RSU1: variants seen among roughly 807,000 people sequenced by gnomAD.
The protein encoded by RSU1 is rsu-1.
RSU1 carries 26 observed loss-of-function variants against 31.1 expected under a neutral mutation model. That is an observed-to-expected ratio of 0.84 (90% confidence interval 0.61 to 1.16). RSU1 has a LOEUF of 1.16. Ranked by LOEUF, RSU1 falls within the 50% of genes most tolerant of loss-of-function variation. The pLI is 0.00. For synonymous variants in RSU1, 164 were observed against 136.3 expected (o/e 1.20, Z -1.41); for missense variants, 320 against 339.1 (o/e 0.94, Z 0.44).
intron 4 of RSU1, among the ~76,000 whole-genome samples, chr10:16,757,711 A>G (rs1245747426): frequency 3.3e-5 from 5 of 152,156 alleles, no homozygotes; most frequent in Non-Finnish European, 7.3e-5. Context: ...AACACCCCAT[A>G]CCGCACGGAG....
intron 7 of RSU1, among the ~76,000 whole-genome samples, chr10:16,737,748 T>A (rs1836658061): frequency 7.8e-6 from 1 of 128,954 alleles, no homozygotes. Context: ...TTAAGAAAAC[T>A]AACTTAAGGA....
intron 8 of RSU1, among the ~76,000 whole-genome samples, chr10:16,640,912 T>G (rs963877406): frequency 6.6e-6 from 1 of 152,208 alleles, no homozygotes; most frequent in Non-Finnish European, 1.5e-5. Flanking sequence ...TCTGAGGCAA[T>G]GCTGCGACTG....
At chr10:16,692,548 T>C (rs1835581090) in intron 8 of RSU1, among the ~76,000 whole-genome samples, 2 of 152,118 alleles carry the variant, frequency 1.3e-5, no homozygotes, top group Non-Finnish European at 2.9e-5. Flanking sequence ...CAAGATACCA[T>C]ACAAACCAAG....
intron 8 of RSU1, among the ~76,000 whole-genome samples, chr10:16,664,128 T>C (rs1834941692): frequency 6.6e-6 from 1 of 152,218 alleles, no homozygotes; most frequent in Admixed American, 6.5e-5. Context: ...CACAGAAGCA[T>C]CTAATGCATC....
At chr10:16,738,788 C>T (rs1836689926) in intron 7 of RSU1, among the ~76,000 whole-genome samples, 1 of 152,122 alleles carries the variant, frequency 6.6e-6, no homozygotes. Context: ...GTTTGCTGCA[C>T]CTATCAACCC....
chr10:16,737,978 CA>C (rs1836665700), intron 7 of RSU1, among the ~76,000 whole-genome samples: 1 of 152,138 alleles, frequency 6.6e-6, no homozygotes, highest in Non-Finnish European at 1.5e-5. Flanking sequence ...AAATCAGTAA[CA>C]AAATGTTTCG....
At chr10:16,636,847 C>T (rs1213980252) in intron 8 of RSU1, among the ~76,000 whole-genome samples, 3 of 152,124 alleles carry the variant, frequency 2.0e-5, no homozygotes, top group African/African-American at 4.8e-5. Context: ...AATCTCCTTC[C>T]CTCACATCCC....
chr10:16,808,950 G>T (rs540208363), intron 2 of RSU1, among the ~76,000 whole-genome samples: 1 of 152,190 alleles, frequency 6.6e-6, no homozygotes, highest in Non-Finnish European at 1.5e-5. Flanking sequence ...TGCAAGCCCA[G>T]GAGAGAGGCC....
chr10:16,679,761 C>A (rs923694794), intron 8 of RSU1, among the ~76,000 whole-genome samples: 2 of 152,030 alleles, frequency 1.3e-5, no homozygotes, highest in African/African-American at 4.8e-5. Flanking sequence ...TCCCACGTGG[C>A]CCACCATCAC....
rs531762274 is a variant in RSU1, at chr10:16,808,152, G to GT, written c.109+8820dup. Among the ~76,000 whole-genome samples the GT allele has an allele frequency of 3.7e-3, 560 of 152,012 alleles. 2 individuals are homozygous for GT. The highest frequency in any genetic ancestry group is 0.013 in the African/African-American group (534 of 41,480). On this transcript the variant is annotated intron_variant, in intron 2 of 8. Transcript: ENST00000345264. ...CGGGGCTAGGATACAACACAGCACA[G>GT]TATCACACAGCAAACCTTTCAGACA... is the stretch of plus-strand genomic sequence containing the variant.
chr10:16,791,392 C>T (rs1156744526), intron 2 of RSU1, among the ~76,000 whole-genome samples: 4 of 152,008 alleles, frequency 2.6e-5, no homozygotes, highest in South Asian at 2.1e-4. Flanking sequence ...CCAGCACTTT[C>T]GGAGGCCGAG....
Position 16,592,678 on chromosome 10 carries a change from G to A in RSU1, c.*716C>T, listed in dbSNP as rs773272029. The A allele has an allele frequency of 6.6e-6, 1 of 151,982 alleles. No individual in the cohort carries two copies. The highest frequency in any genetic ancestry group is 6.6e-5 in the Admixed American group (1 of 15,262). 9.4% of individuals were successfully genotyped at this position (151,982 alleles called of 1,614,324 possible). A position where few individuals can be genotyped will look rare whatever the true frequency, so the allele number is the denominator to read the frequency against. On this transcript the variant is annotated 3_prime_UTR_variant, in exon 9 of 9. Coordinates refer to ENST00000345264, the MANE Select transcript of RSU1 (RefSeq NM_012425.4). ...CAAAATCCTTTGGCAGAATCTCCTA[G>A]AGATTTGTTTTTCTGCTTCCTAATT...
At chr10:16,687,653 C>A (rs1835463549) in intron 8 of RSU1, among the ~76,000 whole-genome samples, 1 of 152,120 alleles carries the variant, frequency 6.6e-6, no homozygotes, top group Admixed American at 6.5e-5. Flanking sequence ...ATCAATTTAG[C>A]AGGGTAACTG....
intron 8 of RSU1, among the ~76,000 whole-genome samples, chr10:16,635,270 A>C (rs750674569): frequency 6.6e-6 from 1 of 152,218 alleles, no homozygotes; most frequent in Non-Finnish European, 1.5e-5. Flanking sequence ...CACCTCTTGA[A>C]TTATCATCTT....
intron 2 of RSU1, among the ~76,000 whole-genome samples, chr10:16,808,855 T>A (rs866915691): frequency 1.9e-4 from 29 of 152,242 alleles, no homozygotes; most frequent in Middle Eastern, 3.4e-3. Flanking sequence ...ACTATTGTCC[T>A]CATGAGAAGA....
chr10:16,738,678 C>T (rs76351505), intron 7 of RSU1, among the ~76,000 whole-genome samples: 2 of 152,048 alleles, frequency 1.3e-5, no homozygotes, highest in African/African-American at 4.8e-5. Context: ...TACAGACTAA[C>T]TCAGAAGAAA....
intron 8 of RSU1, among the ~76,000 whole-genome samples, chr10:16,669,472 A>G (rs979282320): frequency 6.6e-6 from 1 of 151,808 alleles, no homozygotes; most frequent in Admixed American, 6.6e-5. Flanking sequence ...TTGGCTACTT[A>G]CCCACCCCAG....
intron 2 of RSU1, among the ~76,000 whole-genome samples, chr10:16,793,031 A>G (rs1017750226): frequency 2.0e-5 from 3 of 152,254 alleles, no homozygotes; most frequent in African/African-American, 4.8e-5. Context: ...AGGTTCTGAC[A>G]ATGTATTAAA....
intron 5 of RSU1, among the ~76,000 whole-genome samples, chr10:16,754,545 A>AC (rs1485472187): frequency 7.4e-6 from 1 of 134,706 alleles, no homozygotes; most frequent in Non-Finnish European, 1.5e-5. Context: ...ATAGGAAGAT[A>AC]CTTTTTTTTT....
Sources: allele counts gnomAD v4.1 joint callset (sites outside exome capture counted in the v4.1 genomes callset), GRCh38; gene constraint gnomAD v4.1.1; transcripts MANE v1.5; gene names NCBI Gene and HGNC (gene_info 2026-07-23, HGNC 2026-07-21).